The following NMNAT2 variants were observed in gnomAD, a reference collection of about 807,000 sequenced individuals.
The protein encoded by NMNAT2 is nicotinamide nucleotide adenylyltransferase 2.
Under a neutral mutation model 41.6 loss-of-function variants are expected in NMNAT2, and 11 were observed. The ratio of observed to expected loss-of-function variants is 0.26; its 90% confidence interval spans 0.17 to 0.44. The LOEUF is 0.44. NMNAT2 is among the 20% of genes least tolerant of loss of function. The pLI is 1.00. For synonymous variants in NMNAT2, 148 were observed against 151.2 expected (o/e 0.98, Z 0.16); for missense variants, 288 against 407.7 (o/e 0.71, Z 2.53).
chr1:183,298,887 A>G, intron 1 of NMNAT2, among the ~76,000 whole-genome samples: 1 of 152,230 alleles, frequency 6.6e-6, no homozygotes, highest in East Asian at 1.9e-4. Flanking sequence ...CAAAATCACA[A>G]CAAGATTTGT....
intron 8 of NMNAT2, among the ~76,000 whole-genome samples, chr1:183,277,249 G>A (rs1439022319): frequency 6.6e-6 from 1 of 152,174 alleles, no homozygotes; most frequent in Non-Finnish European, 1.5e-5. Flanking sequence ...TTGGGAGGCT[G>A]AGGCAGGCAG....
intron 3 of NMNAT2, chr1:183,290,497 G>C (rs992493712): frequency 3.0e-6 from 1 of 332,896 alleles, no homozygotes; most frequent in Non-Finnish European, 5.5e-6. Context: ...GGAAAGTTAT[G>C]TGATCTCCCA....
In NMNAT2 at chr1:183,349,469, C is replaced by T. The variant is rs9661586; in HGVS notation, c.86-55676G>A. Among the ~76,000 whole-genome samples, 480 of 152,360 alleles carry T rather than the reference C, an allele frequency of 3.2e-3. 6 individuals are homozygous for T. The highest frequency in any genetic ancestry group is 0.011 in the African/African-American group (452 of 41,588). ...GGGAGAAATGAAAAGACTTTAAAAG[C>T]GTTCTCTTTCCAGCCCCCGCTGAGA... On this transcript the variant is annotated intron_variant, in intron 1 of 10. Coordinates refer to ENST00000287713, the MANE Select transcript of NMNAT2 (RefSeq NM_015039.4).
chr1:183,316,616 G>C (rs1662256880), intron 1 of NMNAT2, among the ~76,000 whole-genome samples: 1 of 152,302 alleles, frequency 6.6e-6, no homozygotes, highest in Admixed American at 6.5e-5. Flanking sequence ...AGGCACGGGG[G>C]CCTGAGGGAC....
At chr1:183,300,165 A>G (rs1192759419) in intron 1 of NMNAT2, among the ~76,000 whole-genome samples, 1 of 152,098 alleles carries the variant, frequency 6.6e-6, no homozygotes, top group Non-Finnish European at 1.5e-5. Flanking sequence ...ACACTTTGGG[A>G]GGCCGAGGTG....
intron 1 of NMNAT2, among the ~76,000 whole-genome samples, chr1:183,396,118 A>G (rs1044785052): frequency 2.6e-5 from 4 of 152,194 alleles, no homozygotes; most frequent in South Asian, 4.1e-4. Context: ...CCTTTCTGCA[A>G]ACAAACCCTG....
chr1:183,329,776 C>T (rs1218589433), intron 1 of NMNAT2, among the ~76,000 whole-genome samples: 1 of 152,292 alleles, frequency 6.6e-6, no homozygotes, highest in South Asian at 2.1e-4. Context: ...TGACTGAGTG[C>T]TCTATGGGGG....
intron 1 of NMNAT2, among the ~76,000 whole-genome samples, chr1:183,409,118 G>C (rs1366024478): frequency 6.6e-6 from 1 of 152,012 alleles, no homozygotes; most frequent in Non-Finnish European, 1.5e-5. Context: ...ACTTTGGGAG[G>C]CTGAGACAGG....
intron 1 of NMNAT2, among the ~76,000 whole-genome samples, chr1:183,359,794 G>T (rs1357519720): frequency 6.6e-6 from 1 of 152,274 alleles, no homozygotes; most frequent in South Asian, 2.1e-4. Flanking sequence ...TGATTGAAAA[G>T]GCAGGAAGCC....
chr1:183,396,475 T>C (rs1287821332), intron 1 of NMNAT2, among the ~76,000 whole-genome samples: 3 of 151,998 alleles, frequency 2.0e-5, no homozygotes, highest in African/African-American at 7.3e-5. Flanking sequence ...AGAGGCAAAA[T>C]GGTGGAGTTT....
intron 1 of NMNAT2, among the ~76,000 whole-genome samples, chr1:183,412,595 G>A (rs555028585): frequency 6.6e-6 from 1 of 152,326 alleles, no homozygotes; most frequent in East Asian, 1.9e-4. Context: ...GACCAGTTAA[G>A]AAGCTATTGC....
At chr1:183,379,149 A>T (rs551611489) in intron 1 of NMNAT2, among the ~76,000 whole-genome samples, 7 of 151,634 alleles carry the variant, frequency 4.6e-5, no homozygotes, top group South Asian at 4.2e-4. Context: ...TAGATTTTTT[A>T]AAAGATCCAA....
intron 1 of NMNAT2, among the ~76,000 whole-genome samples, chr1:183,316,863 A>T (rs1662264869): frequency 1.3e-5 from 2 of 152,204 alleles, no homozygotes; most frequent in Admixed American, 1.3e-4. Flanking sequence ...ACTTATAGAA[A>T]TTGAGGTGTT....
At chr1:183,323,873 A>G (rs545865586) in intron 1 of NMNAT2, among the ~76,000 whole-genome samples, 1 of 152,364 alleles carries the variant, frequency 6.6e-6, no homozygotes, top group East Asian at 1.9e-4. Context: ...CTAAGAGGCT[A>G]AGAGAGAGAA....
chr1:183,373,707 T>A (rs530961874), intron 1 of NMNAT2, among the ~76,000 whole-genome samples: 1 of 151,378 alleles, frequency 6.6e-6, no homozygotes, highest in Non-Finnish European at 1.5e-5. Flanking sequence ...AACCTCCGCC[T>A]CCTGGGTTCA....
chr1:183,304,752 T>G, intron 1 of NMNAT2: 1 of 1,613,614 alleles, frequency 6.2e-7, no homozygotes, highest in Non-Finnish European at 8.5e-7. Context: ...ATTTGTCTGG[T>G]TTTTGCAGCC....
chr1:183,323,768 G>C (rs1662403477), intron 1 of NMNAT2, among the ~76,000 whole-genome samples: 1 of 151,924 alleles, frequency 6.6e-6, no homozygotes, highest in South Asian at 2.1e-4. Flanking sequence ...ATGGCATAGG[G>C]AACACATCTG....
At chr1:183,336,127 G>A (rs989340004) in intron 1 of NMNAT2, among the ~76,000 whole-genome samples, 7 of 152,224 alleles carry the variant, frequency 4.6e-5, no homozygotes, top group African/African-American at 1.7e-4. Context: ...ACTTAGGCTT[G>A]TTGGGTTTTA....
At chr1:183,393,584 C>G (rs750547303) in intron 1 of NMNAT2, among the ~76,000 whole-genome samples, 103 of 152,150 alleles carry the variant, frequency 6.8e-4, no homozygotes, top group Middle Eastern at 3.2e-3. Context: ...GAGACGGAAT[C>G]TTACTCTGTC....
Sources: gnomAD v4.1 joint callset for allele counts (sites outside exome capture counted in the v4.1 genomes callset) on GRCh38, gnomAD v4.1.1 for gene constraint, MANE v1.5 for transcripts, NCBI Gene and HGNC (gene_info 2026-07-23, HGNC 2026-07-21) for gene names.